EXOC5: variants seen among roughly 807,000 people sequenced by gnomAD.
EXOC5 encodes exocyst complex component 5.
EXOC5 carries 17 observed loss-of-function variants against 90.8 expected under a neutral mutation model. That is an observed-to-expected ratio of 0.19 (90% CI 0.13 to 0.28). EXOC5 has a LOEUF of 0.28. Ranked by LOEUF, EXOC5 falls within the 10% of genes least tolerant of loss-of-function variation. EXOC5 has a pLI of 1.00. For synonymous variants in EXOC5, 260 were observed against 270.0 expected, an observed-to-expected ratio of 0.96 and a Z score of 0.36; for missense variants, 569 against 830.6, an observed-to-expected ratio of 0.69 and a Z score of 3.87.
At chr14:57,231,815 T>G (rs116952635) in intron 10 of EXOC5, 100 bp from the exon 11 acceptor site, 2 of 745,418 alleles carry the variant, frequency 2.7e-6, no homozygotes, top group East Asian at 2.6e-5. Context: ...TCATGACTTA[T>G]GTTAAGCCAC....
At chr14:57,246,950 A>T (rs1002769929) in intron 2 of EXOC5, 92 bp from the exon 3 acceptor site, 5 of 703,122 alleles carry the variant, frequency 7.1e-6, no homozygotes, top group Non-Finnish European at 1.1e-5. Flanking sequence ...CTTAATAAGA[A>T]GAGTTCCTTG....
chr14:57,208,339 T>C lies in EXOC5; in HGVS notation c.*270A>G, dbSNP rs1882718637. The C allele has an allele frequency of 3.3e-6, 1 of 298,886 alleles. No individual in the cohort carries two copies. Among genetic ancestry groups the C allele is most frequent in the Non-Finnish European group, 6.2e-6 (1 of 162,266 alleles). 18.5% of individuals were successfully genotyped at this position (298,886 alleles called of 1,614,324 possible). A position where few individuals can be genotyped will look rare whatever the true frequency, so the allele number is the denominator to read the frequency against. ...ATTTTCTAGGATAAAAACAGTGACA[T>C]GTAGTTTTAGAGAATCTGAAATTTC... On this transcript the variant is annotated 3_prime_UTR_variant, in exon 18 of 18. Coordinates refer to ENST00000621441, the MANE Select transcript of EXOC5 (RefSeq NM_006544.4).
chr14:57,221,486 T>C (rs973933930), intron 13 of EXOC5, among the ~76,000 whole-genome samples: 5 of 152,120 alleles, frequency 3.3e-5, no homozygotes, highest in Non-Finnish European at 7.4e-5. Context: ...CAGTTACAAG[T>C]AGACAGAGAT....
chr14:57,249,296 T>C (rs962580090), intron 1 of EXOC5, among the ~76,000 whole-genome samples: 4 of 152,160 alleles, frequency 2.6e-5, no homozygotes, highest in South Asian at 2.1e-4. Flanking sequence ...ATAGTAATCA[T>C]ATCCCTTTCC....
Position 57,205,384 on chromosome 14 carries a change from C to T in EXOC5, c.*3225G>A, listed in dbSNP as rs1882621819. On this transcript the variant is annotated 3_prime_UTR_variant, in exon 18 of 18. Transcript: ENST00000621441. ...AAAATGCTTTGTATGTAAAATTCAACAATATATGGGTAATGTGCAGAATAT... is the reference window on the plus strand; with the variant it reads ...AAAATGCTTTGTATGTAAAATTCAATAATATATGGGTAATGTGCAGAATAT... 6.5e-6 allele frequency: 1 copy of T among 153,676 alleles called. No individual in the cohort carries two copies. Among genetic ancestry groups the T allele is most frequent in the Non-Finnish European group, 1.4e-5 (1 of 69,274 alleles). The allele number at this position is 153,676 out of a possible 1,614,324, so 9.5% of individuals were successfully genotyped here. A position where few individuals can be genotyped will look rare whatever the true frequency, so the allele number is the denominator to read the frequency against.
At chr14:57,262,302 T>A (rs973976670) in intron 1 of EXOC5, among the ~76,000 whole-genome samples, 1 of 152,094 alleles carries the variant, frequency 6.6e-6, no homozygotes, top group African/African-American at 2.4e-5. Flanking sequence ...ATTTTACAGA[T>A]GAGAAAACTG....
Position 57,219,781 on chromosome 14 carries a change from G to A in EXOC5, c.1406-339C>T, listed in dbSNP as rs112352266. Among the ~76,000 whole-genome samples the A allele has an allele frequency of 5.0e-4, 76 of 152,038 alleles. 1 individual carries two copies. The highest frequency in any genetic ancestry group is 1.8e-3 in the African/African-American group (74 of 41,482). ...TTTCTCATTGGTCTTCCTCATTCAA[G>A]TCTCTTTACCTTTTATCCTAGATAC... is the stretch of plus-strand genomic sequence containing the variant. On this transcript the variant is annotated intron_variant, in intron 13 of 17. Coordinates refer to ENST00000621441, the MANE Select transcript of EXOC5 (RefSeq NM_006544.4).
At position 57,229,739 on chromosome 14, in the gene EXOC5, G is replaced by A; in HGVS notation, c.1291C>T (p.His431Tyr). 1 of 1,517,560 alleles carries A rather than the reference G, an allele frequency of 6.6e-7. No individual in the cohort carries two copies. Among genetic ancestry groups the A allele is most frequent in the Non-Finnish European group, 8.9e-7 (1 of 1,124,418 alleles). The allele number at this position is 1,517,560 out of a possible 1,614,324, so 94.0% of individuals were successfully genotyped here. ...QETKQAFERC[H>Y]RLSDPSDLPR... ...ACATTTACAATCACTCTTACCCTAT[G>A]ACATCTTTCAAAGGCTTGTTTGGTT... Residue 431 changes from histidine to tyrosine, a missense_variant, in exon 12 of 18, where the codon CAT becomes TAT. Coordinates refer to ENST00000621441, the MANE Select transcript of EXOC5 (RefSeq NM_006544.4).
chr14:57,255,174 A>G (rs1489884467), intron 1 of EXOC5, among the ~76,000 whole-genome samples: 2 of 152,160 alleles, frequency 1.3e-5, no homozygotes, highest in Non-Finnish European at 2.9e-5. Context: ...CCTACTTACC[A>G]AGGCTGATCC....
chr14:57,268,577 G>A lies in EXOC5; in HGVS notation c.27+45C>T, dbSNP rs781450642. On this transcript the variant is annotated intron_variant, in intron 1 of 17. Transcript: ENST00000621441. Reference sequence around the variant, plus strand: ...CCTCGGCCCGCCCACCCAGCTGCCTGCAAACCCCGGGCCTGCCACTCCCTG... The same window carrying A: ...CCTCGGCCCGCCCACCCAGCTGCCTACAAACCCCGGGCCTGCCACTCCCTG... 8.9e-6 allele frequency: 14 copies of A among 1,565,880 alleles called. No individual in the cohort carries two copies. In the South Asian group the frequency reaches 1.5e-4, roughly 17 times the overall value.
chr14:57,213,407 ATATT>A (rs1882882804), intron 15 of EXOC5, among the ~76,000 whole-genome samples: 3 of 151,384 alleles, frequency 2.0e-5, no homozygotes, highest in Admixed American at 6.6e-5. Context: ...TTATTTTTAT[ATATT>A]TATTTATTTT....
intron 1 of EXOC5, among the ~76,000 whole-genome samples, chr14:57,250,232 T>C (rs568664741): frequency 5.3e-5 from 8 of 152,270 alleles, no homozygotes; most frequent in Admixed American, 4.6e-4. Context: ...AAGAGGCCAG[T>C]GTGACTAAAA....
chr14:57,241,146 G>A (rs1883846332), intron 4 of EXOC5, among the ~76,000 whole-genome samples: 1 of 152,070 alleles, frequency 6.6e-6, no homozygotes, highest in African/African-American at 2.4e-5. Context: ...GAGACACCAC[G>A]CCCTGCCCAA....
At position 57,219,886 on chromosome 14, in the gene EXOC5, T is replaced by A. The variant is rs570037057; in HGVS notation, c.1406-444A>T. On this transcript the variant is annotated intron_variant, in intron 13 of 17. Coordinates refer to ENST00000621441, the MANE Select transcript of EXOC5 (RefSeq NM_006544.4). ...TATCTCCTCAAAAATACTCAAAATG[T>A]CCTATCTACAGATTACATTCCTGAT... Among the ~76,000 whole-genome samples the A allele has an allele frequency of 4.6e-5, 7 of 152,222 alleles. No individual in the cohort carries two copies. The South Asian group carries it at 1.5e-3, about 32-fold the overall frequency.
chr14:57,220,236 T>C (rs1281498868), intron 13 of EXOC5, among the ~76,000 whole-genome samples: 4 of 147,628 alleles, frequency 2.7e-5, no homozygotes, highest in Admixed American at 6.8e-5. Context: ...AAAGACAAGA[T>C]TACCAACTGG....
rs1045547964 is a variant in EXOC5, at chr14:57,201,473, C to CACACACGTGTATAA, written c.*7122_*7135dup. On this transcript the variant is annotated 3_prime_UTR_variant, in exon 18 of 18. Coordinates refer to ENST00000621441, the MANE Select transcript of EXOC5 (RefSeq NM_006544.4). The stretch of plus-strand genomic sequence containing the variant: ...ATATATACACACGCGTGTATATGTA[C>CACACACGTGTATAA]ACACACGTGTATAAACACACGTGTA... The CACACACGTGTATAA allele has an allele frequency of 2.2e-5, 3 of 136,696 alleles. No homozygotes were observed. In the South Asian group the frequency reaches 6.5e-4, roughly 30 times the overall value. The allele number at this position is 136,696 out of a possible 1,614,324, so 8.5% of individuals were successfully genotyped here.
intron 12 of EXOC5, among the ~76,000 whole-genome samples, chr14:57,229,518 T>C (rs1410946019): frequency 6.6e-6 from 1 of 152,172 alleles, no homozygotes; most frequent in African/African-American, 2.4e-5. Context: ...TACGTTGCAC[T>C]AGGTAATGTA....
intron 6 of EXOC5, among the ~76,000 whole-genome samples, chr14:57,236,100 G>GA (rs1397216997): frequency 2.6e-5 from 4 of 151,838 alleles, no homozygotes; most frequent in African/African-American, 9.7e-5. Context: ...TAGCTGACTG[G>GA]AAAAAATCCT....
chr14:57,246,803 T>A lies in EXOC5; in HGVS notation c.178A>T (p.Ile60Phe). The A allele has an allele frequency of 6.2e-7, 1 of 1,601,630 alleles. No individual in the cohort carries two copies. Among genetic ancestry groups the A allele is most frequent in the Non-Finnish European group, 8.5e-7 (1 of 1,171,832 alleles). ...TCTAGTTTCTCTACTTTCCTCTGAA[T>A]CCTTTCATCCATTATCTGGAGTTCC... ...IQELQIMDER[I>F]QRKVEKLEQQ... Residue 60 changes from isoleucine to phenylalanine, a missense_variant, in exon 3 of 18, where the codon ATT (isoleucine) becomes TTT (phenylalanine). Ile to Phe is a conservative substitution (Grantham distance 21). Around this residue, in one of 9 missense-constraint regions of EXOC5, gnomAD observed 45 missense variants for 44.6 expected, o/e 1.01. Coordinates refer to ENST00000621441, the MANE Select transcript of EXOC5 (RefSeq NM_006544.4).
Sources: allele counts gnomAD v4.1 joint callset (sites outside exome capture counted in the v4.1 genomes callset), GRCh38; gene constraint gnomAD v4.1.1; regional missense constraint gnomAD v4.1.1; transcripts MANE v1.5; gene names NCBI Gene and HGNC (gene_info 2026-07-23, HGNC 2026-07-21).